The following MYOM3 variants were observed in gnomAD, a reference collection of about 807,000 sequenced individuals.
MYOM3 encodes myomesin 3, also known as myomesin-3.
Under a neutral mutation model 191.7 loss-of-function variants are expected in MYOM3, and 155 were observed. The ratio of observed to expected loss-of-function variants is 0.81; its 90% confidence interval spans 0.71 to 0.92. The LOEUF is 0.92. Among genes scored for constraint, MYOM3 ranks in the 40% least tolerant of loss-of-function variants. MYOM3 has a pLI of 0.00. For missense variants in MYOM3, 1,889 were observed against 1,890.6 expected, an observed-to-expected ratio of 1.00 and a Z score of 0.02; for synonymous variants, 757 against 762.9, an observed-to-expected ratio of 0.99 and a Z score of 0.13.
intron 22 of MYOM3, 59 bp from the exon 23 acceptor site, chr1:24,074,328 G>A (rs564033071): frequency 1.5e-6 from 2 of 1,341,320 alleles, no homozygotes; most frequent in African/African-American, 2.9e-5. Context: ...GTGCACTAGA[G>A]GCCTGGGAGC....
At chr1:24,067,352 CTT>C (rs747433462) in intron 27 of MYOM3, among the ~76,000 whole-genome samples, 138 of 51,072 alleles carry the variant, frequency 2.7e-3, no homozygotes, top group Middle Eastern at 8.9e-3. Flanking sequence ...TTCTTTCTTT[CTT>C]TCTTTCTTTC....
At chr1:24,059,247 C>A (rs374924840) in intron 35 of MYOM3, among the ~76,000 whole-genome samples, 1 of 152,192 alleles carries the variant, frequency 6.6e-6, no homozygotes, top group Non-Finnish European at 1.5e-5. Flanking sequence ...AATCCTCCCC[C>A]GCTCAGCCTC....
chr1:24,071,635 C>G (rs983715747), intron 24 of MYOM3, among the ~76,000 whole-genome samples: 5 of 152,160 alleles, frequency 3.3e-5, no homozygotes, highest in Non-Finnish European at 7.3e-5. Context: ...AAGTTTGTGA[C>G]CTCCCCTGCT....
At position 24,057,256 on chromosome 1, in the gene MYOM3, C is replaced by A. The variant is rs1010131780; in HGVS notation, c.*108G>T. ...CACATCCTGGGTTCTATCTTGTCCC[C>A]TTTCCTTCTGCCCCACCCCTGTAGC... On this transcript the variant is annotated 3_prime_UTR_variant, in exon 37 of 37. Transcript: ENST00000374434. The A allele has an allele frequency of 3.4e-6, 4 of 1,183,706 alleles. No individual in the cohort carries two copies. Among genetic ancestry groups the A allele is most frequent in the African/African-American group, 3.0e-5 (2 of 66,090 alleles). The allele number at this position is 1,183,706 out of a possible 1,614,324, so 73.3% of individuals were successfully genotyped here. A position where few individuals can be genotyped will look rare whatever the true frequency, so the allele number is the denominator to read the frequency against.
intron 4 of MYOM3, among the ~76,000 whole-genome samples, chr1:24,106,832 G>A (rs939728551): frequency 6.6e-6 from 1 of 152,190 alleles, no homozygotes. Context: ...GCCTCCCAAA[G>A]TGCTGGGGTT....
intron 25 of MYOM3, 66 bp downstream of exon 25, chr1:24,071,051 A>G: frequency 3.8e-6 from 6 of 1,567,640 alleles, no homozygotes; most frequent in Non-Finnish European, 5.2e-6. Context: ...ATGCGGAATC[A>G]CCATCCCGCG....
chr1:24,096,715 C>T (rs372764183), intron 7 of MYOM3, among the ~76,000 whole-genome samples: 4 of 151,902 alleles, frequency 2.6e-5, no homozygotes, highest in East Asian at 1.9e-4. Context: ...TATGAGTGCG[C>T]GTGTGTGTAT....
intron 19 of MYOM3, 38 bp from the exon 20 acceptor site, chr1:24,080,232 G>C (rs1557608058): frequency 1.3e-6 from 2 of 1,545,754 alleles, no homozygotes; most frequent in Non-Finnish European, 1.8e-6. Context: ...TGTGTGAGTT[G>C]GGCAGCCAGG....
intron 20 of MYOM3, among the ~76,000 whole-genome samples, chr1:24,078,959 C>T (rs962916624): frequency 1.1e-4 from 16 of 152,312 alleles, no homozygotes; most frequent in African/African-American, 3.6e-4. Context: ...AAACAACCAT[C>T]ACTCCAGAAC....
intron 33 of MYOM3, 21 bp downstream of exon 33, chr1:24,061,925 A>G: frequency 6.2e-7 from 1 of 1,613,766 alleles, no homozygotes; most frequent in Non-Finnish European, 8.5e-7. Context: ...GTTTCCCTGC[A>G]GACATAGGTG....
intron 23 of MYOM3, among the ~76,000 whole-genome samples, chr1:24,073,510 G>A (rs555291500): frequency 6.6e-6 from 1 of 152,102 alleles, no homozygotes; most frequent in Non-Finnish European, 1.5e-5. Flanking sequence ...CACTTGCACT[G>A]TTGTTTTTTG....
intron 32 of MYOM3, among the ~76,000 whole-genome samples, 199 bp downstream of exon 32, chr1:24,062,927 A>T (rs1643387822): frequency 6.6e-6 from 1 of 152,008 alleles, no homozygotes; most frequent in Admixed American, 6.5e-5. Flanking sequence ...CCCACTGCTA[A>T]TCTCTATCCT....
At chr1:24,069,914 C>G (rs1643504495) in intron 25 of MYOM3, among the ~76,000 whole-genome samples, 1 of 150,548 alleles carries the variant, frequency 6.6e-6, no homozygotes, top group African/African-American at 2.5e-5. Context: ...CCAGCCACAA[C>G]ACGTATTTTC....
chr1:24,072,394 G>GT (rs1449718613), intron 23 of MYOM3, among the ~76,000 whole-genome samples: 6 of 152,130 alleles, frequency 3.9e-5, no homozygotes, highest in Non-Finnish European at 7.4e-5. Flanking sequence ...AGGACCACTG[G>GT]TGCCAGGGCC....
chr1:24,096,404 T>G (rs1643878526), intron 7 of MYOM3, among the ~76,000 whole-genome samples: 1 of 152,080 alleles, frequency 6.6e-6, no homozygotes. Context: ...GTTGCCAGCC[T>G]TGATGGAGAG....
intron 2 of MYOM3, 178 bp from the exon 3 acceptor site, chr1:24,108,251 C>A: frequency 1.3e-6 from 1 of 746,042 alleles, no homozygotes; most frequent in Non-Finnish European, 2.2e-6. Flanking sequence ...AATGTGCTTC[C>A]CTCCTCAAAC....
At chr1:24,106,927 C>T in intron 4 of MYOM3, 146 bp downstream of exon 4, 1 of 781,562 alleles carries the variant, frequency 1.3e-6, no homozygotes, top group Non-Finnish European at 2.0e-6. Flanking sequence ...CCCGGGGTCA[C>T]ACCACTGGAA....
intron 7 of MYOM3, 101 bp downstream of exon 7, chr1:24,097,822 G>C: frequency 2.4e-6 from 2 of 841,178 alleles, no homozygotes; most frequent in Non-Finnish European, 4.1e-6. Context: ...ACAGCCTTGT[G>C]CCTATGGCCC....
At chr1:24,092,784 C>T (rs952065059) in intron 10 of MYOM3, among the ~76,000 whole-genome samples, 163 bp downstream of exon 10, 1 of 152,164 alleles carries the variant, frequency 6.6e-6, no homozygotes, top group African/African-American at 2.4e-5. Context: ...TCATAGGATG[C>T]CACGGGGAGT....
Sources: gnomAD v4.1 joint callset for allele counts (sites outside exome capture counted in the v4.1 genomes callset) on GRCh38, gnomAD v4.1.1 for gene constraint, MANE v1.5 for transcripts, NCBI Gene and HGNC (gene_info 2026-07-23, HGNC 2026-07-21) for gene names.